USO1: variants seen among roughly 807,000 people sequenced by gnomAD.
USO1 encodes the protein USO1 vesicle transport factor.
A neutral mutation model predicts 124.5 loss-of-function variants in USO1; 57 were observed. The observed-to-expected ratio is 0.46, with a 90% CI of 0.37 to 0.57. The LOEUF (loss-of-function observed/expected upper bound fraction) is 0.57. USO1 is among the 20% of genes least tolerant of loss of function. The pLI is 0.00. For missense variants in USO1, 900 were observed against 1,040.6 expected, an observed-to-expected ratio of 0.86 and a Z score of 1.86; for synonymous variants, 369 against 362.8, an observed-to-expected ratio of 1.02 and a Z score of -0.19.
At chr4:75,762,893 A>C (rs1721659055) in intron 4 of USO1, among the ~76,000 whole-genome samples, 1 of 152,210 alleles carries the variant, frequency 6.6e-6, no homozygotes, top group Non-Finnish European at 1.5e-5. Flanking sequence ...GTGCCACTGC[A>C]CTCCAGACTG....
chr4:75,794,325 C>T (rs1722620141), intron 13 of USO1, among the ~76,000 whole-genome samples: 1 of 152,084 alleles, frequency 6.6e-6, no homozygotes, highest in South Asian at 2.1e-4. Context: ...AACAGTGGTC[C>T]CTTGTATATA....
chr4:75,726,906 C>G (rs1720479397), intron 1 of USO1, among the ~76,000 whole-genome samples: 1 of 152,148 alleles, frequency 6.6e-6, no homozygotes, highest in African/African-American at 2.4e-5. Context: ...TGGCTTTCCA[C>G]CCCTGATTGG....
intron 13 of USO1, among the ~76,000 whole-genome samples, chr4:75,798,414 T>C (rs1344238402): frequency 6.6e-6 from 1 of 152,214 alleles, no homozygotes; most frequent in East Asian, 1.9e-4. Flanking sequence ...CTGTGGCACA[T>C]AGTCAGTTGG....
chr4:75,762,422 AAAGTGTTGGGATTAC>A (rs1417091374), intron 4 of USO1, among the ~76,000 whole-genome samples: 3 of 151,670 alleles, frequency 2.0e-5, no homozygotes, highest in Non-Finnish European at 4.4e-5. Flanking sequence ...TTGGCCTCCC[AAAGTGTTGGGATTAC>A]AGGCATGAGC....
chr4:75,781,494 CA>C (rs1722219508), intron 8 of USO1, among the ~76,000 whole-genome samples: 1 of 152,156 alleles, frequency 6.6e-6, no homozygotes, highest in African/African-American at 2.4e-5. Flanking sequence ...TGGTCATTAG[CA>C]TTTTTTTAGC....
intron 8 of USO1, among the ~76,000 whole-genome samples, chr4:75,781,496 T>G (rs1577957835): frequency 6.6e-6 from 1 of 152,150 alleles, no homozygotes; most frequent in African/African-American, 2.4e-5. Flanking sequence ...GTCATTAGCA[T>G]TTTTTTAGCA....
chr4:75,765,269 A>G (rs1027931094), intron 4 of USO1, among the ~76,000 whole-genome samples: 2 of 152,134 alleles, frequency 1.3e-5, no homozygotes, highest in Admixed American at 6.5e-5. Context: ...TTTATTTGAC[A>G]TGCATTCCCA....
At chr4:75,728,859 C>T (rs150926308) in intron 1 of USO1, among the ~76,000 whole-genome samples, 2,253 of 152,012 alleles carry the variant, frequency 0.015, 53 homozygotes, top group African/African-American at 0.051. Flanking sequence ...AGTGCAGTGG[C>T]GCAATCTTGG....
intron 4 of USO1, among the ~76,000 whole-genome samples, chr4:75,765,693 C>G (rs1314557864): frequency 6.7e-6 from 1 of 149,704 alleles, no homozygotes; most frequent in Admixed American, 6.7e-5. Context: ...TTGAAAATCA[C>G]AATTTACCAA....
intron 1 of USO1, among the ~76,000 whole-genome samples, chr4:75,730,348 CTAGTA>C (rs1720594834): frequency 6.6e-6 from 1 of 152,112 alleles, no homozygotes. Context: ...GAAAAAACCT[CTAGTA>C]TTTATGCAAG....
intron 4 of USO1, among the ~76,000 whole-genome samples, chr4:75,759,768 C>A (rs1721550322): frequency 6.6e-6 from 1 of 151,166 alleles, no homozygotes; most frequent in South Asian, 2.1e-4. Flanking sequence ...AATTAGCCAG[C>A]CATGGTGTTG....
intron 4 of USO1, among the ~76,000 whole-genome samples, chr4:75,766,663 C>T (rs905409389): frequency 3.3e-5 from 5 of 152,200 alleles, no homozygotes; most frequent in Admixed American, 6.5e-5. Flanking sequence ...TTATTGAGCA[C>T]ATTATTTACA....
rs527904534 is a variant in USO1 at position 75,811,157 on chromosome 4, C to T, written c.2583+618C>T. ...ATTTTTGTTTTCTTTCTTTCTTTTT[C>T]TTTTTTTTTTTGAGAGAGAGTCTCA... On this transcript the variant is annotated intron_variant, in intron 22 of 23. Transcript: ENST00000514213. Among the ~76,000 whole-genome samples, 1,179 of 145,852 alleles carry T rather than the reference C, an allele frequency of 8.1e-3. 14 individuals carry two copies. Among genetic ancestry groups the T allele is most frequent in the African/African-American group, 0.028 (1,126 of 40,056 alleles).
intron 1 of USO1, among the ~76,000 whole-genome samples, chr4:75,741,712 C>G (rs965684277): frequency 2.8e-5 from 4 of 145,168 alleles, no homozygotes; most frequent in Non-Finnish European, 4.5e-5. Flanking sequence ...TCAAGTAATT[C>G]TCCCGCCTCA....
At chr4:75,812,110 G>T in intron 22 of USO1, 50 bp from the exon 23 acceptor site, 1 of 1,550,684 alleles carries the variant, frequency 6.4e-7, no homozygotes, top group East Asian at 2.4e-5. Flanking sequence ...AAAACTCTAG[G>T]AAAGTGAGTG....
intron 21 of USO1, among the ~76,000 whole-genome samples, chr4:75,810,087 A>T (rs2149196546): frequency 6.6e-6 from 1 of 152,342 alleles, no homozygotes; most frequent in Admixed American, 6.5e-5. Context: ...GTATGGACTT[A>T]TAGGAAATTT....
chr4:75,785,198 C>T (rs1356739397), intron 9 of USO1, among the ~76,000 whole-genome samples: 1 of 152,168 alleles, frequency 6.6e-6, no homozygotes, highest in African/African-American at 2.4e-5. Flanking sequence ...GGGACATACA[C>T]ATTCTGTGTT....
chr4:75,766,506 C>G (rs1721772935), intron 4 of USO1, among the ~76,000 whole-genome samples: 2 of 152,042 alleles, frequency 1.3e-5, no homozygotes, highest in Non-Finnish European at 2.9e-5. Context: ...GTGGGTAAGG[C>G]CAGGGACAGT....
At chr4:75,731,890 G>C (rs1204959576) in intron 1 of USO1, among the ~76,000 whole-genome samples, 1 of 152,056 alleles carries the variant, frequency 6.6e-6, no homozygotes, top group Admixed American at 6.5e-5. Flanking sequence ...ACTGCAAGCT[G>C]TATTACACTA....
Sources: gnomAD v4.1 joint callset for allele counts (sites outside exome capture counted in the v4.1 genomes callset) on GRCh38, gnomAD v4.1.1 for gene constraint, MANE v1.5 for transcripts, NCBI Gene and HGNC (gene_info 2026-07-23, HGNC 2026-07-21) for gene names.